KCNT2: variants seen among roughly 807,000 people sequenced by gnomAD.
KCNT2 encodes potassium sodium-activated channel subfamily T member 2.
A neutral mutation model predicts 153.8 loss-of-function variants in KCNT2; 67 were observed. That is an observed-to-expected ratio of 0.44 (90% CI 0.36 to 0.53). The LOEUF is 0.53. KCNT2 is among the 20% of genes least tolerant of loss of function. KCNT2 has a pLI of 0.00. For missense variants in KCNT2, 975 were observed against 1,354.8 expected (o/e 0.72, Z 4.40); for synonymous variants, 500 against 458.8 (o/e 1.09, Z -1.15).
intron 5 of KCNT2, among the ~76,000 whole-genome samples, chr1:196,472,209 A>G (rs1441418030): frequency 6.6e-6 from 1 of 152,054 alleles, no homozygotes; most frequent in Non-Finnish European, 1.5e-5. Context: ...ACTCCCAGCT[A>G]TTTCATACAC....
intron 20 of KCNT2, among the ~76,000 whole-genome samples, chr1:196,318,012 T>G (rs1662900342): frequency 6.6e-6 from 1 of 151,714 alleles, no homozygotes; most frequent in East Asian, 1.9e-4. Flanking sequence ...TTTTTTTAAG[T>G]AGGCTGCCAA....
Position 196,342,462 on chromosome 1 carries a change from A to G in KCNT2, c.1404-234T>C, listed in dbSNP as rs190031572. On this transcript the variant is annotated intron_variant, in intron 14 of 27. Coordinates refer to ENST00000294725, the MANE Select transcript of KCNT2 (RefSeq NM_198503.5). The stretch of plus-strand genomic sequence containing the variant: ...TATATATATATGTATATATATATAT[A>G]TGCTTGAGAAATGACAGTTTTGTAG... 6.3e-3 allele frequency among the ~76,000 whole-genome samples: 921 copies of G among 146,350 alleles called. 9 individuals carry two copies. Among genetic ancestry groups the G allele is most frequent in the African/African-American group, 0.022 (881 of 39,960 alleles).
rs1353424902 is a variant in KCNT2, at chr1:196,378,791, G to A, written c.1295-5543C>T. 6.8e-5 allele frequency among the ~76,000 whole-genome samples: 10 copies of A among 146,860 alleles called. No individual in the cohort carries two copies. The East Asian group carries it at 1.8e-3, about 26-fold the overall frequency. On this transcript the variant is annotated intron_variant, in intron 13 of 27. Coordinates refer to ENST00000294725, the MANE Select transcript of KCNT2 (RefSeq NM_198503.5). ...TATCTACTAAATCAATATATAATAT[G>A]TAAACAACATTGTATATATAATTAT... is the stretch of plus-strand genomic sequence containing the variant.
intron 8 of KCNT2, among the ~76,000 whole-genome samples, chr1:196,435,419 C>T (rs1674570610): frequency 2.0e-5 from 3 of 150,634 alleles, no homozygotes; most frequent in South Asian, 4.2e-4. Flanking sequence ...ATTTGAAATG[C>T]ATTTGATTTA....
At chr1:196,441,775 T>C (rs1236027353) in intron 8 of KCNT2, among the ~76,000 whole-genome samples, 1 of 151,798 alleles carries the variant, frequency 6.6e-6, no homozygotes, top group African/African-American at 2.4e-5. Context: ...GTAGGAAAGA[T>C]GGAGCTTTTA....
At chr1:196,322,537 A>G (rs1663426750) in intron 19 of KCNT2, among the ~76,000 whole-genome samples, 1 of 151,878 alleles carries the variant, frequency 6.6e-6, no homozygotes, top group African/African-American at 2.4e-5. Context: ...CTGTAATTCT[A>G]TTAGAAAAGA....
intron 26 of KCNT2, among the ~76,000 whole-genome samples, chr1:196,249,360 CA>C (rs1655745844): frequency 1.3e-5 from 2 of 152,286 alleles, no homozygotes; most frequent in South Asian, 4.1e-4. Context: ...AAGAAAGAAT[CA>C]AATTATCCTT....
chr1:196,371,168 G>C (rs1034830878), intron 14 of KCNT2, among the ~76,000 whole-genome samples: 1 of 137,156 alleles, frequency 7.3e-6, no homozygotes, highest in African/African-American at 2.8e-5. Flanking sequence ...TGGATCACTT[G>C]AGCCCAGGAG....
At chr1:196,239,769 A>G (rs1039479260) in intron 26 of KCNT2, among the ~76,000 whole-genome samples, 1 of 152,042 alleles carries the variant, frequency 6.6e-6, no homozygotes, top group African/African-American at 2.4e-5. Flanking sequence ...ACAAATTCCA[A>G]TGTTGAAAAG....
intron 25 of KCNT2, among the ~76,000 whole-genome samples, chr1:196,270,854 T>A (rs903344162): frequency 6.6e-6 from 1 of 151,024 alleles, no homozygotes; most frequent in Non-Finnish European, 1.5e-5. Context: ...TGTGTGTGCA[T>A]GTATGTGTAA....
At chr1:196,495,388 T>C (rs1680175583) in intron 1 of KCNT2, among the ~76,000 whole-genome samples, 1 of 152,166 alleles carries the variant, frequency 6.6e-6, no homozygotes, top group Non-Finnish European at 1.5e-5. Context: ...GTTCAGAGTT[T>C]AGTGGTTACC....
intron 1 of KCNT2, among the ~76,000 whole-genome samples, chr1:196,551,036 A>C (rs1394847068): frequency 6.6e-6 from 1 of 151,788 alleles, no homozygotes; most frequent in Non-Finnish European, 1.5e-5. Flanking sequence ...CTTTTACATC[A>C]CTGCCTCTAG....
At chr1:196,501,386 A>G (rs1680684870) in intron 1 of KCNT2, among the ~76,000 whole-genome samples, 1 of 152,154 alleles carries the variant, frequency 6.6e-6, no homozygotes, top group South Asian at 2.1e-4. Context: ...TACACACACA[A>G]TGGAATACTG....
At chr1:196,450,816 C>T (rs1048471664) in intron 8 of KCNT2, among the ~76,000 whole-genome samples, 1 of 151,812 alleles carries the variant, frequency 6.6e-6, no homozygotes, top group African/African-American at 2.4e-5. Flanking sequence ...TATCTGAGTA[C>T]GTTCTTCAAA....
intron 1 of KCNT2, among the ~76,000 whole-genome samples, chr1:196,581,549 T>A (rs1662046624): frequency 6.6e-6 from 1 of 152,030 alleles, no homozygotes; most frequent in South Asian, 2.1e-4. Context: ...AATTTCAATA[T>A]AATGAAGTTA....
intron 12 of KCNT2, among the ~76,000 whole-genome samples, chr1:196,417,594 T>A (rs1338667677): frequency 1.3e-5 from 2 of 152,146 alleles, no homozygotes; most frequent in African/African-American, 2.4e-5. Context: ...TATAATCTAC[T>A]AGCTTTCTAT....
At chr1:196,331,533 G>A (rs767364319) in intron 17 of KCNT2, among the ~76,000 whole-genome samples, 3 of 151,932 alleles carry the variant, frequency 2.0e-5, no homozygotes, top group Non-Finnish European at 2.9e-5. Flanking sequence ...AAAATTATAC[G>A]AAGTTCAAAT....
intron 23 of KCNT2, among the ~76,000 whole-genome samples, chr1:196,283,860 T>A (rs186324735): frequency 9.9e-4 from 151 of 152,126 alleles, no homozygotes; most frequent in Admixed American, 2.4e-3. Flanking sequence ...TTTGTTTCAG[T>A]TATATATACA....
intron 1 of KCNT2, among the ~76,000 whole-genome samples, chr1:196,579,020 G>A (rs908686013): frequency 3.3e-5 from 5 of 151,870 alleles, no homozygotes; most frequent in South Asian, 2.1e-4. Flanking sequence ...CCCTCTCCAC[G>A]AAGGTACAGT....
Sources: gnomAD v4.1 joint callset for allele counts (sites outside exome capture counted in the v4.1 genomes callset) on GRCh38, gnomAD v4.1.1 for gene constraint, MANE v1.5 for transcripts, NCBI Gene and HGNC (gene_info 2026-07-23, HGNC 2026-07-21) for gene names.